ZC3H6: variants seen among roughly 807,000 people sequenced by gnomAD.
ZC3H6 encodes zinc finger CCCH domain-containing protein 6.
Under a neutral mutation model 107.7 loss-of-function variants are expected in ZC3H6, and 40 were observed. The ratio of observed to expected loss-of-function variants is 0.37; its 90% CI spans 0.29 to 0.48. The LOEUF (loss-of-function observed/expected upper bound fraction) is 0.48. Among genes scored for constraint, ZC3H6 ranks in the 20% least tolerant of loss-of-function variants. The probability of loss-of-function intolerance (pLI) is 0.98; values close to 1 mark genes in which losing one functional copy is unlikely to be tolerated. For missense variants in ZC3H6, 1,267 were observed against 1,410.4 expected, an observed-to-expected ratio of 0.90 and a Z score of 1.63; for synonymous variants, 493 against 487.9, an observed-to-expected ratio of 1.01 and a Z score of -0.14.
At chr2:112,311,172 A>C (rs1272845355) in intron 4 of ZC3H6, among the ~76,000 whole-genome samples, 1 of 152,186 alleles carries the variant, frequency 6.6e-6, no homozygotes, top group Non-Finnish European at 1.5e-5. Flanking sequence ...CTTACACCTT[A>C]AGTCCCAGCT....
chr2:112,317,619 T>G (rs1382063600), intron 7 of ZC3H6, among the ~76,000 whole-genome samples: 1 of 152,052 alleles, frequency 6.6e-6, no homozygotes, highest in African/African-American at 2.4e-5. Context: ...CCTGAAGGAG[T>G]AGTTGGCAAA....
intron 1 of ZC3H6, among the ~76,000 whole-genome samples, chr2:112,280,214 A>G (rs1237648969): frequency 1.3e-5 from 2 of 152,194 alleles, no homozygotes; most frequent in Non-Finnish European, 2.9e-5. Flanking sequence ...TGGTTTGTAA[A>G]TTAGTATGTT....
intron 1 of ZC3H6, among the ~76,000 whole-genome samples, chr2:112,287,868 C>G (rs1019151016): frequency 6.6e-6 from 1 of 152,268 alleles, no homozygotes; most frequent in South Asian, 2.1e-4. Flanking sequence ...TCCCAAAGTA[C>G]TGGGATTACA....
At chr2:112,303,878 C>G (rs1676429824) in intron 3 of ZC3H6, among the ~76,000 whole-genome samples, 1 of 152,090 alleles carries the variant, frequency 6.6e-6, no homozygotes, top group Admixed American at 6.6e-5. Flanking sequence ...ATTCAAAAAT[C>G]TTTTTAAGAC....
Position 112,322,773 on chromosome 2 carries a change from A to G in ZC3H6, c.1211A>G (p.Glu404Gly), listed in dbSNP as rs1254855372. The G allele has an allele frequency of 1.9e-6, 3 of 1,613,814 alleles. No homozygotes were observed. The highest frequency in any genetic ancestry group is 3.3e-5 in the Admixed American group (2 of 59,988). The change falls in exon 9 of 12, where the codon GAG becomes GGG. Residue 404 changes from glutamate to glycine, a missense_variant. By Grantham distance (98) the Glu-to-Gly change is moderately conservative. Coordinates refer to ENST00000409871, the MANE Select transcript of ZC3H6 (RefSeq NM_198581.3). ...PGVGLLPTPP[E>G]HFPFSDPEDD... ...GTTGGGCTTCTGCCAACCCCTCCAG[A>G]GCATTTTCCCTTTTCTGATCCTGAA...
chr2:112,287,561 T>C (rs1214414803), intron 1 of ZC3H6, among the ~76,000 whole-genome samples: 1 of 152,202 alleles, frequency 6.6e-6, no homozygotes, highest in Non-Finnish European at 1.5e-5. Context: ...AGATAATTAA[T>C]AATTATCAGA....
intron 5 of ZC3H6, among the ~76,000 whole-genome samples, chr2:112,314,884 A>G (rs1401486607): frequency 6.6e-6 from 1 of 152,178 alleles, no homozygotes; most frequent in Non-Finnish European, 1.5e-5. Context: ...TATTTTTAAA[A>G]CGAATCTCTA....
At chr2:112,295,320 A>G (rs1283927803) in intron 1 of ZC3H6, among the ~76,000 whole-genome samples, 7 of 152,176 alleles carry the variant, frequency 4.6e-5, no homozygotes, top group Non-Finnish European at 1.0e-4. Context: ...TATTTGATGT[A>G]TTACATTTTT....
chr2:112,330,352 C>G (rs922168798), intron 11 of ZC3H6, among the ~76,000 whole-genome samples: 3 of 152,060 alleles, frequency 2.0e-5, no homozygotes, highest in African/African-American at 7.2e-5. Context: ...CACGCCCAGC[C>G]AGTTTTGTTA....
At chr2:112,305,883 AC>A (rs1161614524) in intron 3 of ZC3H6, among the ~76,000 whole-genome samples, 1 of 152,196 alleles carries the variant, frequency 6.6e-6, no homozygotes, top group Non-Finnish European at 1.5e-5. Context: ...TTAACGTTTT[AC>A]CACATATGCT....
chr2:112,309,965 G>A lies in ZC3H6; in HGVS notation c.417G>A (p.Glu139=). The A allele has an allele frequency of 6.2e-7, 1 of 1,611,852 alleles. No homozygotes were observed. Among genetic ancestry groups the A allele is most frequent in the Non-Finnish European group, 8.5e-7 (1 of 1,178,868 alleles). Residue 139 remains glutamate (E), a synonymous_variant, in exon 4 of 12, where the codon GAG becomes GAA. Coordinates refer to ENST00000409871, the MANE Select transcript of ZC3H6 (RefSeq NM_198581.3). ...AATTTAAAAGTAAAGAATATGATGA[G>A]TACAGCACCTACAGTGATGACAACT... ...NKKFKSKEYD[E]YSTYSDDNFG... is the part of the protein sequence containing the mutation.
chr2:112,318,784 A>G (rs1676747966), intron 7 of ZC3H6, among the ~76,000 whole-genome samples: 1 of 152,190 alleles, frequency 6.6e-6, no homozygotes, highest in Admixed American at 6.5e-5. Flanking sequence ...GGCAGTGATT[A>G]CTGATGGCTG....
intron 1 of ZC3H6, among the ~76,000 whole-genome samples, chr2:112,282,384 G>A (rs1686543882): frequency 6.6e-6 from 1 of 152,214 alleles, no homozygotes; most frequent in South Asian, 2.1e-4. Context: ...ACACAGGAAT[G>A]TTAATTCATG....
intron 2 of ZC3H6, among the ~76,000 whole-genome samples, chr2:112,302,008 C>T (rs1426911676): frequency 1.3e-5 from 2 of 151,748 alleles, no homozygotes; most frequent in Non-Finnish European, 2.9e-5. Flanking sequence ...TAGAAAAGTA[C>T]TACCTAACAA....
intron 3 of ZC3H6, among the ~76,000 whole-genome samples, chr2:112,306,522 G>A (rs1676481166): frequency 6.6e-6 from 1 of 152,074 alleles, no homozygotes; most frequent in South Asian, 2.1e-4. Flanking sequence ...TCTCTTTCAT[G>A]TGATCCTATC....
At chr2:112,299,077 A>G (rs181238420) in intron 1 of ZC3H6, among the ~76,000 whole-genome samples, 2,508 of 152,198 alleles carry the variant, frequency 0.016, 69 homozygotes, top group African/African-American at 0.057. Context: ...GGAGATTGAG[A>G]CCATCCTGGC....
chr2:112,275,971 G>GC lies in ZC3H6; in HGVS notation c.-20dup, dbSNP rs1322712036. On this transcript the variant is annotated 5_prime_UTR_variant, in exon 1 of 12. Transcript: ENST00000409871. ...GCCGGCCTCGCAGACCTGCCCTCCAGCCCCGCCCCGTTCTTGACCAAACAT... is the reference window on the plus strand; with the variant it reads ...GCCGGCCTCGCAGACCTGCCCTCCAGCCCCCGCCCCGTTCTTGACCAAACAT... 6.5e-7 allele frequency: 1 copy of GC among 1,528,742 alleles called. No individual in the cohort carries two copies. The highest frequency in any genetic ancestry group is 2.6e-5 in the East Asian group (1 of 38,560). The allele number at this position is 1,528,742 out of a possible 1,614,324, so 94.7% of individuals were successfully genotyped here. A position where few individuals can be genotyped will look rare whatever the true frequency, so the allele number is the denominator to read the frequency against.
In ZC3H6 at chr2:112,310,075, A is replaced by G. The variant is rs755490613; in HGVS notation, c.527A>G (p.Gln176Arg). The change falls in exon 4 of 12, where the codon CAA (glutamine) becomes CGA (arginine). Residue 176 changes from glutamine (Q) to arginine (R), a missense_variant. By Grantham distance (43) the Gln-to-Arg change is conservative (BLOSUM62 1). Coordinates refer to ENST00000409871, the MANE Select transcript of ZC3H6 (RefSeq NM_198581.3). The part of the protein sequence containing the change: ...DFANQLKQYR[Q>R]AKETSNIALG... ...GCCAATCAGCTGAAACAATACAGGC[A>G]AGCTAAAGAAACCTCAAATATTGCT... is the stretch of plus-strand genomic sequence containing the variant. The G allele has an allele frequency of 6.2e-7, 1 of 1,613,606 alleles. No individual in the cohort carries two copies. Among genetic ancestry groups the G allele is most frequent in the East Asian group, 2.2e-5 (1 of 44,850 alleles).
chr2:112,278,902 T>C (rs1355641619), intron 1 of ZC3H6, among the ~76,000 whole-genome samples: 3 of 152,138 alleles, frequency 2.0e-5, no homozygotes, highest in Non-Finnish European at 4.4e-5. Context: ...ATTACAGGCG[T>C]GAGCCACCAC....
Sources: gnomAD v4.1 joint callset for allele counts (sites outside exome capture counted in the v4.1 genomes callset) on GRCh38, gnomAD v4.1.1 for gene constraint, MANE v1.5 for transcripts, NCBI Gene and HGNC (gene_info 2026-07-23, HGNC 2026-07-21) for gene names.